SAMM50: variants seen among roughly 807,000 people sequenced by gnomAD.
SAMM50 encodes the protein sorting and assembly machinery component 50 homolog.
Under a neutral mutation model 66.9 loss-of-function variants are expected in SAMM50, and 47 were observed. The ratio of observed to expected loss-of-function variants is 0.70; its 90% CI spans 0.56 to 0.90. SAMM50 has a LOEUF of 0.90. Among genes scored for constraint, SAMM50 ranks in the 40% least tolerant of loss-of-function variants. The pLI, the probability that SAMM50 is intolerant of heterozygous loss-of-function variation, is 0.00. For missense variants in SAMM50, 535 were observed against 595.3 expected, an observed-to-expected ratio of 0.90 and a Z score of 1.05; for synonymous variants, 191 against 214.1, an observed-to-expected ratio of 0.89 and a Z score of 0.94.
At position 43,989,204 on chromosome 22, in the gene SAMM50, T is replaced by A; in HGVS notation, c.1169T>A (p.Leu390His). ...CCAGGCCAGGGTGGCTTTGGAGAAC[T>A]TTTCCGAACACACTTCTTTCTCAAC... is the stretch of plus-strand genomic sequence containing the variant. The part of the protein sequence containing the change: ...FRPGQGGFGE[L>H]FRTHFFLNAG... The change falls in exon 13 of 15, where the codon CTT (leucine) becomes CAT (histidine). Residue 390 changes from leucine (L) to histidine (H), a missense_variant. Coordinates refer to ENST00000350028, the MANE Select transcript of SAMM50 (RefSeq NM_015380.5). 6.2e-7 allele frequency: 1 copy of A among 1,614,156 alleles called. No individual in the cohort carries two copies.
At chr22:43,972,093 A>G in intron 4 of SAMM50, 143 bp from the exon 5 acceptor site, 1 of 545,088 alleles carries the variant, frequency 1.8e-6, no homozygotes, top group Non-Finnish European at 3.2e-6. Context: ...GTGTTCTTAA[A>G]CGTTTCTCAT....
chr22:43,975,458 G>T, intron 7 of SAMM50: 1 of 152,704 alleles, frequency 6.5e-6, no homozygotes. Flanking sequence ...ACATTTCTCT[G>T]AGATAGAAAT....
rs1445008349 is a variant in SAMM50 at position 43,955,527 on chromosome 22, C to T, written c.-51C>T. On this transcript the variant is annotated 5_prime_UTR_variant, in exon 1 of 15. It adds an upstream start codon to the 5' untranslated region. Coordinates refer to ENST00000350028, the MANE Select transcript of SAMM50 (RefSeq NM_015380.5). ...CCCGCCTTCTGCCCTCAGCAGCAGA[C>T]GCTCTGTCCCGCCCGGGCAGCTCTG... is the stretch of plus-strand genomic sequence containing the variant. The T allele has an allele frequency of 6.3e-7, 1 of 1,578,166 alleles. No homozygotes were observed. Among genetic ancestry groups the T allele is most frequent in the Non-Finnish European group, 8.6e-7 (1 of 1,161,984 alleles).
chr22:43,962,423 T>C (rs879934498), intron 1 of SAMM50, among the ~76,000 whole-genome samples: 4 of 152,352 alleles, frequency 2.6e-5, no homozygotes, highest in Middle Eastern at 3.4e-3. Flanking sequence ...GATAAATAGA[T>C]AGATACAATG....
At position 43,990,311 on chromosome 22, in the gene SAMM50, C is replaced by T. The variant is rs764734552; in HGVS notation, c.1269C>T (p.Arg423=). ...AHIRKLAECI[R]WSYGAGIVLR... ...TTCGTAAGCTGGCTGAGTGCATCCGCTGGTCGTACGGGGCCGGGATTGTCC... is the reference window on the plus strand; with the variant it reads ...TTCGTAAGCTGGCTGAGTGCATCCGTTGGTCGTACGGGGCCGGGATTGTCC... Residue 423 remains arginine (R), a synonymous_variant, in exon 14 of 15, where the codon CGC becomes CGT. Coordinates refer to ENST00000350028, the MANE Select transcript of SAMM50 (RefSeq NM_015380.5). 6 of 1,614,070 alleles carry T rather than the reference C, an allele frequency of 3.7e-6. No individual in the cohort carries two copies. Among genetic ancestry groups the T allele is most frequent in the South Asian group, 3.3e-5 (3 of 91,086 alleles).
At chr22:43,992,956 C>T (rs565488629) in intron 14 of SAMM50, among the ~76,000 whole-genome samples, 5 of 152,310 alleles carry the variant, frequency 3.3e-5, no homozygotes, top group South Asian at 4.1e-4. Flanking sequence ...TTTTCCAGAG[C>T]GAGACTGCAT....
intron 1 of SAMM50, among the ~76,000 whole-genome samples, chr22:43,956,788 C>T (rs1008811582): frequency 6.6e-6 from 1 of 152,180 alleles, no homozygotes; most frequent in Non-Finnish European, 1.5e-5. Flanking sequence ...GAGGAGTCTT[C>T]AAACTGGTTG....
intron 5 of SAMM50, 128 bp downstream of exon 5, chr22:43,972,470 A>T (rs2146814047): frequency 1.8e-6 from 1 of 560,486 alleles, no homozygotes; most frequent in Non-Finnish European, 3.1e-6. Context: ...ATCTGTTGTT[A>T]TTTGTGGTTT....
At chr22:43,974,617 T>A (rs1312420060) in intron 7 of SAMM50, 1 of 152,284 alleles carries the variant, frequency 6.6e-6, no homozygotes, top group African/African-American at 2.4e-5. Flanking sequence ...TCTCCAAATT[T>A]TCTTGTCTGG....
At chr22:43,980,454 C>T (rs1407237245) in intron 10 of SAMM50, among the ~76,000 whole-genome samples, 2 of 151,364 alleles carry the variant, frequency 1.3e-5, no homozygotes, top group Non-Finnish European at 2.9e-5. Flanking sequence ...AAGGCAACCC[C>T]CGAGCACAGC....
chr22:43,976,657 T>TGCTA, intron 8 of SAMM50, 93 bp from the exon 9 acceptor site: 1 of 850,382 alleles, frequency 1.2e-6, no homozygotes, highest in Non-Finnish European at 2.0e-6. Context: ...AGTTGTAGAG[T>TGCTA]GCTAGCGTGG....
intron 14 of SAMM50, among the ~76,000 whole-genome samples, chr22:43,994,267 G>A (rs1357814117): frequency 2.0e-5 from 3 of 152,206 alleles, no homozygotes; most frequent in African/African-American, 7.2e-5. Flanking sequence ...AGGAACAGAA[G>A]GGGGAGTGGG....
intron 2 of SAMM50, 95 bp from the exon 3 acceptor site, chr22:43,964,357 C>A: frequency 1.6e-6 from 1 of 630,662 alleles, no homozygotes. Context: ...TGAAGAAAAC[C>A]TTGACATTAA....
In SAMM50 at chr22:43,981,401, C is replaced by T. The variant is rs936071282; in HGVS notation, c.947C>T (p.Ala316Val). 7 of 1,613,168 alleles carry T rather than the reference C, an allele frequency of 4.3e-6. No individual in the cohort carries two copies. The highest frequency in any genetic ancestry group is 5.1e-6 in the Non-Finnish European group (6 of 1,179,352). Reference sequence around the variant, plus strand: ...TTTCTATTTGAACAGGTTTTTTCAGCGTCTTTCTGGGGCGGAATGTTGGTA... The same window carrying T: ...TTTCTATTTGAACAGGTTTTTTCAGTGTCTTTCTGGGGCGGAATGTTGGTA... ...KQLIFDSVFS[A>V]SFWGGMLVPI... Residue 316 changes from alanine (A) to valine (V), a missense_variant, in exon 11 of 15, where the codon GCG becomes GTG. Coordinates refer to ENST00000350028, the MANE Select transcript of SAMM50 (RefSeq NM_015380.5).
rs1231781029 is a variant in SAMM50 at position 43,955,551 on chromosome 22, T to G, written c.-27T>G. The G allele has an allele frequency of 6.3e-7, 1 of 1,597,584 alleles. No homozygotes were observed. The highest frequency in any genetic ancestry group is 2.3e-5 in the East Asian group (1 of 44,326). ...ACGCTCTGTCCCGCCCGGGCAGCTC[T>G]GCGAGGCAGCGGCTGGAGAGGGAAC... On this transcript the variant is annotated 5_prime_UTR_variant, in exon 1 of 15. Coordinates refer to ENST00000350028, the MANE Select transcript of SAMM50 (RefSeq NM_015380.5).
At chr22:43,975,765 C>A in intron 7 of SAMM50, 1 of 307,272 alleles carries the variant, frequency 3.3e-6, no homozygotes, top group Admixed American at 4.1e-5. Context: ...GATGATAGAG[C>A]TGCCTGCAGC....
chr22:43,965,729 A>AT (rs34296194), intron 3 of SAMM50, among the ~76,000 whole-genome samples: 102,736 of 151,450 alleles, frequency 0.68, 35,958 homozygotes, highest in African/African-American at 0.86. Flanking sequence ...CATTCTCTAC[A>AT]TTTTTTTTTC....
chr22:43,984,139 C>A, intron 12 of SAMM50, 139 bp downstream of exon 12: 3 of 648,778 alleles, frequency 4.6e-6, no homozygotes, highest in Admixed American at 3.0e-5. Context: ...ACAGAACTTA[C>A]CATGTAGCAG....
In SAMM50 at chr22:43,955,520, C is replaced by G. The variant is rs1393558109; in HGVS notation, c.-58C>G. The G allele has an allele frequency of 6.4e-7, 1 of 1,569,506 alleles. No individual in the cohort carries two copies. Among genetic ancestry groups the G allele is most frequent in the Non-Finnish European group, 8.6e-7 (1 of 1,156,616 alleles). On this transcript the variant is annotated 5_prime_UTR_variant, in exon 1 of 15. Transcript: ENST00000350028. ...CCGCGGACCCGCCTTCTGCCCTCAG[C>G]AGCAGACGCTCTGTCCCGCCCGGGC...
Sources: gnomAD v4.1 joint callset for allele counts (sites outside exome capture counted in the v4.1 genomes callset) on GRCh38, gnomAD v4.1.1 for gene constraint, MANE v1.5 for transcripts, NCBI Gene and HGNC (gene_info 2026-07-23, HGNC 2026-07-21) for gene names.